DLG2: variants seen among roughly 807,000 people sequenced by gnomAD.
DLG2 encodes disks large homolog 2.
DLG2 carries 45 observed loss-of-function variants against 132.5 expected under a neutral mutation model. The ratio of observed to expected loss-of-function variants is 0.34; its 90% CI spans 0.27 to 0.44. The LOEUF (loss-of-function observed/expected upper bound fraction) is 0.44, where lower values mean the gene tolerates loss of function less well. Ranked by LOEUF, DLG2 falls within the 20% of genes least tolerant of loss-of-function variation. DLG2 has a pLI of 1.00. For synonymous variants in DLG2, 424 were observed against 419.6 expected (o/e 1.01, Z -0.13); for missense variants, 1,045 against 1,196.9 (o/e 0.87, Z 1.87).
intron 6 of DLG2, among the ~76,000 whole-genome samples, chr11:84,623,308 G>A (rs919097069): frequency 1.3e-5 from 2 of 151,910 alleles, no homozygotes; most frequent in South Asian, 2.1e-4. Flanking sequence ...TGATCTCCCC[G>A]ACACAAACTT....
At chr11:85,622,798 G>A (rs1411557118) in intron 2 of DLG2, among the ~76,000 whole-genome samples, 3 of 152,124 alleles carry the variant, frequency 2.0e-5, no homozygotes, top group African/African-American at 7.2e-5. Context: ...ACTGGCTCAT[G>A]CCTGTAATCC....
At chr11:84,913,791 T>C (rs1379155842) in intron 6 of DLG2, among the ~76,000 whole-genome samples, 1 of 152,236 alleles carries the variant, frequency 6.6e-6, no homozygotes, top group Non-Finnish European at 1.5e-5. Context: ...GTTAAAAACA[T>C]TGAAAAATAT....
chr11:84,725,063 CA>C (rs2062261817), intron 6 of DLG2, among the ~76,000 whole-genome samples: 1 of 152,050 alleles, frequency 6.6e-6, no homozygotes, highest in African/African-American at 2.4e-5. Context: ...ATAATTCTTT[CA>C]GGGGGAGGAA....
chr11:83,558,824 C>T (rs1253359255), intron 19 of DLG2, among the ~76,000 whole-genome samples: 1 of 148,998 alleles, frequency 6.7e-6, no homozygotes, highest in Non-Finnish European at 1.5e-5. Flanking sequence ...CTACCTACTC[C>T]CGGTAAAAAA....
At chr11:84,348,405 G>A (rs2098548288) in intron 7 of DLG2, among the ~76,000 whole-genome samples, 1 of 152,066 alleles carries the variant, frequency 6.6e-6, no homozygotes, top group African/African-American at 2.4e-5. Flanking sequence ...TCAAGTCTAT[G>A]TTTTTCTTCT....
intron 6 of DLG2, among the ~76,000 whole-genome samples, chr11:84,603,433 G>T (rs1004839093): frequency 6.6e-6 from 1 of 151,824 alleles, no homozygotes; most frequent in African/African-American, 2.4e-5. Flanking sequence ...ATCTCAATTT[G>T]CTCATCTGTA....
chr11:83,755,929 C>T (rs2093626687), intron 18 of DLG2, among the ~76,000 whole-genome samples: 1 of 151,378 alleles, frequency 6.6e-6, no homozygotes, highest in South Asian at 2.1e-4. Flanking sequence ...AGCTATGGGC[C>T]TTATGAGTTA....
At chr11:84,030,818 G>A (rs2095669442) in intron 11 of DLG2, among the ~76,000 whole-genome samples, 1 of 152,156 alleles carries the variant, frequency 6.6e-6, no homozygotes, top group Non-Finnish European at 1.5e-5. Context: ...CAGGGAAAAT[G>A]TATGTTTCCC....
intron 6 of DLG2, among the ~76,000 whole-genome samples, chr11:84,566,620 T>C (rs2099457117): frequency 6.6e-6 from 1 of 152,164 alleles, no homozygotes; most frequent in African/African-American, 2.4e-5. Context: ...TGAGTTACTG[T>C]AAAAAATATC....
At chr11:84,407,929 T>C (rs182014422) in intron 7 of DLG2, among the ~76,000 whole-genome samples, 1 of 152,298 alleles carries the variant, frequency 6.6e-6, no homozygotes, top group Non-Finnish European at 1.5e-5. Flanking sequence ...GAATCACTTG[T>C]AGCTATCTTG....
intron 7 of DLG2, among the ~76,000 whole-genome samples, chr11:84,502,200 CTCCTTCCTTCCTTCCT>C (rs1218812487): frequency 0.015 from 151 of 9,820 alleles, 5 homozygotes; most frequent in Middle Eastern, 0.071. Flanking sequence ...CTCTCTCTCT[CTCCTTCCTTCCTTCCT>C]TCCTTCCTTC....
intron 6 of DLG2, among the ~76,000 whole-genome samples, chr11:84,796,761 C>T (rs1392877368): frequency 6.6e-6 from 1 of 151,938 alleles, no homozygotes; most frequent in Admixed American, 6.6e-5. Flanking sequence ...AGTATGTTAC[C>T]AGACATATTG....
intron 6 of DLG2, among the ~76,000 whole-genome samples, chr11:84,854,974 T>A (rs2082601552): frequency 6.6e-6 from 1 of 152,056 alleles, no homozygotes; most frequent in Non-Finnish European, 1.5e-5. Context: ...AGTATCTACC[T>A]AGCACAATTC....
chr11:84,434,118 CA>C (rs201807752), intron 7 of DLG2, among the ~76,000 whole-genome samples: 8,590 of 86,832 alleles, frequency 0.099, 398 homozygotes, highest in African/African-American at 0.19. Flanking sequence ...GACTCCATCT[CA>C]AAAAAAAAAA....
At chr11:84,964,577 G>T (rs2053059652) in intron 6 of DLG2, among the ~76,000 whole-genome samples, 1 of 151,428 alleles carries the variant, frequency 6.6e-6, no homozygotes, top group Admixed American at 6.6e-5. Context: ...AGAAAATAAA[G>T]TACAAGACAA....
chr11:85,506,341 T>C (rs1421517063), intron 3 of DLG2, among the ~76,000 whole-genome samples: 1 of 152,192 alleles, frequency 6.6e-6, no homozygotes, highest in African/African-American at 2.4e-5. Context: ...CTACTTTCTC[T>C]AGTGGGCATT....
intron 6 of DLG2, among the ~76,000 whole-genome samples, chr11:85,048,186 C>T (rs2062539139): frequency 6.6e-6 from 1 of 151,870 alleles, no homozygotes; most frequent in South Asian, 2.1e-4. Context: ...AACTGTCAGA[C>T]TAAAAATGAC....
At chr11:84,043,686 T>C (rs994046468) in intron 11 of DLG2, among the ~76,000 whole-genome samples, 1 of 151,810 alleles carries the variant, frequency 6.6e-6, no homozygotes, top group African/African-American at 2.4e-5. Flanking sequence ...TTAAAGTTTT[T>C]CTCTCTTCTT....
chr11:84,079,750 A>G (rs184950761), intron 10 of DLG2, among the ~76,000 whole-genome samples: 104 of 152,290 alleles, frequency 6.8e-4, no homozygotes, highest in Non-Finnish European at 1.1e-3. Flanking sequence ...ATTACTTACT[A>G]TAGCACCCAA....
Sources: allele counts gnomAD v4.1 joint callset (sites outside exome capture counted in the v4.1 genomes callset), GRCh38; gene constraint gnomAD v4.1.1; transcripts MANE v1.5; gene names NCBI Gene and HGNC (gene_info 2026-07-23, HGNC 2026-07-21).